SNRPB: variants seen among roughly 807,000 people sequenced by gnomAD.
SNRPB encodes the protein small nuclear ribonucleoprotein polypeptides B and B1.
Under a neutral mutation model 26.6 loss-of-function variants are expected in SNRPB, and 5 were observed. The ratio of observed to expected loss-of-function variants is 0.19; its 90% confidence interval spans 0.10 to 0.39. The LOEUF (loss-of-function observed/expected upper bound fraction) is 0.39, where lower values mean the gene tolerates loss of function less well. Ranked by LOEUF, SNRPB falls within the 10% of genes least tolerant of loss-of-function variation. The pLI is 1.00. For synonymous variants in SNRPB, 122 were observed against 105.8 expected, an observed-to-expected ratio of 1.15 and a Z score of -0.94; for missense variants, 211 against 311.9, an observed-to-expected ratio of 0.68 and a Z score of 2.44.
Position 2,467,591 on chromosome 20 carries a change from A to C in SNRPB, c.155+16T>G, listed in dbSNP as rs770483481. 43 of 1,612,118 alleles carry C rather than the reference A, an allele frequency of 2.7e-5. No homozygotes were observed. The highest frequency in any genetic ancestry group is 3.3e-4 in the Middle Eastern group (2 of 6,014). ...TCCCATCCTCCAGTCTCCGCCCCCC[A>C]CAGTCCACTCCTCACTTGATCTTTC... is the stretch of plus-strand genomic sequence containing the variant. On this transcript the variant is annotated intron_variant, in intron 2 of 6. Transcript: ENST00000381342.
rs774651407 is a variant in SNRPB at position 2,461,866 on chromosome 20, C to T, written c.*63G>A. On this transcript the variant is annotated 3_prime_UTR_variant, in exon 7 of 7. Coordinates refer to ENST00000381342, the MANE Select transcript of SNRPB (RefSeq NM_003091.4). ...TAAGAAACAAACAGGTCTGTGGTAA[C>T]GTGGCCCTGAGGAATCGAGCCCACG... is the stretch of plus-strand genomic sequence containing the variant. 2 of 1,613,960 alleles carry T rather than the reference C, an allele frequency of 1.2e-6. No individual in the cohort carries two copies. The highest frequency in any genetic ancestry group is 1.1e-5 in the South Asian group (1 of 91,070).
chr20:2,462,061 T>C (rs935417827), intron 6 of SNRPB, 122 bp from the exon 7 acceptor site: 37 of 682,404 alleles, frequency 5.4e-5, no homozygotes, highest in Middle Eastern at 4.2e-4. Flanking sequence ...GCATATGTGC[T>C]AACTAGGGAC....
In SNRPB at chr20:2,463,247, A is replaced by C; in HGVS notation, c.421-20T>G. 1 of 1,594,732 alleles carries C rather than the reference A, an allele frequency of 6.3e-7. No homozygotes were observed. Among genetic ancestry groups the C allele is most frequent in the Admixed American group, 1.7e-5 (1 of 59,992 alleles). On this transcript the variant is annotated intron_variant, in intron 4 of 6. Coordinates refer to ENST00000381342, the MANE Select transcript of SNRPB (RefSeq NM_003091.4). This position sits in a 1 kb window ranked among gnomAD's most constrained non-coding sequence, Gnocchi z 5.0. ...CATCACCTAAGAGGACATAAGAAGA[A>C]AGAGTTAGAAGAGTACAGTACAATG...
At chr20:2,468,732 C>T (rs1210819837) in intron 1 of SNRPB, among the ~76,000 whole-genome samples, 1 of 152,218 alleles carries the variant, frequency 6.6e-6, no homozygotes, top group Non-Finnish European at 1.5e-5. Flanking sequence ...TCAAGACCAG[C>T]CTGGCTAACA....
At chr20:2,467,192 C>T in intron 2 of SNRPB, 1 of 442,888 alleles carries the variant, frequency 2.3e-6, no homozygotes, top group Middle Eastern at 4.5e-4. Flanking sequence ...GAGCACTTAC[C>T]CTGAAGAGGG....
chr20:2,462,006 C>T (rs1302342644), intron 6 of SNRPB, 67 bp from the exon 7 acceptor site: 1 of 1,105,666 alleles, frequency 9.0e-7, no homozygotes, highest in Non-Finnish European at 1.4e-6. Context: ...CCTGCCCCAG[C>T]CTCCCACGCC....
chr20:2,462,773 A>G lies in SNRPB; in HGVS notation c.560-12T>C, dbSNP rs767328411. Reference sequence around the variant, plus strand: ...TGGGCCCATCATGCCTGCAAGAGAAAAGCCCCAAGAATATAGCTCAAGTGT... The same window carrying G: ...TGGGCCCATCATGCCTGCAAGAGAAGAGCCCCAAGAATATAGCTCAAGTGT... On this transcript the variant is annotated splice_polypyrimidine_tract_variant and intron_variant, in intron 5 of 6. Transcript: ENST00000381342. 2.0e-6 allele frequency: 3 copies of G among 1,521,994 alleles called. No homozygotes were observed. Among genetic ancestry groups the G allele is most frequent in the Non-Finnish European group, 2.6e-6 (3 of 1,137,206 alleles). The allele number at this position is 1,521,994 out of a possible 1,614,324, so 94.3% of individuals were successfully genotyped here. A position where few individuals can be genotyped will look rare whatever the true frequency, so the allele number is the denominator to read the frequency against.
At chr20:2,465,850 G>C in intron 2 of SNRPB, 31 bp from the exon 3 acceptor site, 2 of 1,560,764 alleles carry the variant, frequency 1.3e-6, no homozygotes, top group East Asian at 2.2e-5. Context: ...AACAAAAAAA[G>C]TGTTAGAGGT....
rs762647736 is a variant in SNRPB at position 2,461,958 on chromosome 20, G to C, written c.686-19C>G. On this transcript the variant is annotated intron_variant, in intron 6 of 6. Coordinates refer to ENST00000381342, the MANE Select transcript of SNRPB (RefSeq NM_003091.4). Reference sequence around the variant, plus strand: ...AGAAGGCCTGAAGTAAGAGTAAGAAGTTTAGTCAGTGCCTGATCTGCAACT... The same window carrying C: ...AGAAGGCCTGAAGTAAGAGTAAGAACTTTAGTCAGTGCCTGATCTGCAACT... The C allele has an allele frequency of 9.4e-6, 15 of 1,592,950 alleles. No homozygotes were observed. The highest frequency in any genetic ancestry group is 1.3e-5 in the Non-Finnish European group (15 of 1,163,658).
intron 1 of SNRPB, among the ~76,000 whole-genome samples, chr20:2,468,020 G>A (rs910144210): frequency 1.3e-5 from 2 of 152,116 alleles, no homozygotes; most frequent in Non-Finnish European, 2.9e-5. Context: ...TCTCCTTGTC[G>A]TGTCAGTTGC....
At chr20:2,466,984 G>A (rs2122492353) in intron 2 of SNRPB, among the ~76,000 whole-genome samples, 1 of 152,350 alleles carries the variant, frequency 6.6e-6, no homozygotes, top group South Asian at 2.1e-4. Flanking sequence ...ATCTTTTTGT[G>A]CCTCAAGTAG....
At chr20:2,469,037 G>C (rs977592543) in intron 1 of SNRPB, among the ~76,000 whole-genome samples, 2 of 152,214 alleles carry the variant, frequency 1.3e-5, no homozygotes, top group African/African-American at 4.8e-5. Context: ...AACCACAAGG[G>C]ATCTGAACCT....
In SNRPB at chr20:2,467,693, G is replaced by A. The variant is rs370745250; in HGVS notation, c.69C>T (p.Asp23=). 4.8e-5 allele frequency: 77 copies of A among 1,613,898 alleles called. No homozygotes were observed. Among genetic ancestry groups the A allele is most frequent in the East Asian group, 2.9e-4 (13 of 44,894 alleles). ...IDYRMRCILQ[D]GRIFIGTFKA... is the part of the protein sequence containing the mutation. ...TGAAGGTGCCAATGAAGATCCGGCC[G>A]TCCTGCAGGATGCACCTCATCCTGT... The change falls in exon 2 of 7, where the codon GAC becomes GAT. Residue 23 remains aspartate (D), a synonymous_variant. Transcript: ENST00000381342.
chr20:2,468,940 A>G (rs958689482), intron 1 of SNRPB, among the ~76,000 whole-genome samples: 1 of 152,150 alleles, frequency 6.6e-6, no homozygotes, highest in African/African-American at 2.4e-5. Context: ...AAACAAAAAC[A>G]AAACTTGACT....
At position 2,463,920 on chromosome 20, in the gene SNRPB, C is replaced by A; in HGVS notation, c.268-21G>T. On this transcript the variant is annotated intron_variant, in intron 3 of 6. Transcript: ENST00000381342. The surrounding 1 kb of genome is among the most constrained non-coding windows in gnomAD (Gnocchi z 5.0). ...CCAGTCTGAAAAATAAACAAATATG[C>A]TCTGATGCCCAGTGATCTGAAGATC... 6.2e-7 allele frequency: 1 copy of A among 1,605,268 alleles called. No individual in the cohort carries two copies. The highest frequency in any genetic ancestry group is 8.5e-7 in the Non-Finnish European group (1 of 1,172,928).
Position 2,463,945 on chromosome 20 carries a change from CAGAA to C in SNRPB, c.268-50_268-47del. 6.5e-7 allele frequency: 1 copy of C among 1,534,052 alleles called. No individual in the cohort carries two copies. The highest frequency in any genetic ancestry group is 1.8e-5 in the Admixed American group (1 of 56,864). ...CTCTGATGCCCAGTGATCTGAAGAT[CAGAA>C]GTATACTTTGGAATATCATTGCCAA... On this transcript the variant is annotated intron_variant, in intron 3 of 6. Coordinates refer to ENST00000381342, the MANE Select transcript of SNRPB (RefSeq NM_003091.4). This position sits in a 1 kb window ranked among gnomAD's most constrained non-coding sequence, Gnocchi z 5.0.
At position 2,461,789 on chromosome 20, in the gene SNRPB, G is replaced by A. The variant is rs1460991080; in HGVS notation, c.*140C>T. The A allele has an allele frequency of 1.2e-6, 2 of 1,612,262 alleles. No homozygotes were observed. The highest frequency in any genetic ancestry group is 1.7e-6 in the Non-Finnish European group (2 of 1,179,186). On this transcript the variant is annotated 3_prime_UTR_variant, in exon 7 of 7. Transcript: ENST00000381342. ...TTGGTGGGCGCATTCCCGGGGGAGG[G>A]GGCCCTGTAAGGGAAACCAGACAAT...
In SNRPB at chr20:2,470,537, C is replaced by G; in HGVS notation, c.3+151G>C. Reference sequence around the variant, plus strand: ...CCATGCCTAGCCGAACCGCCAAGGTCCTGGTCTTTCCCGCCCAGACCGAGC... The same window carrying G: ...CCATGCCTAGCCGAACCGCCAAGGTGCTGGTCTTTCCCGCCCAGACCGAGC... On this transcript the variant is annotated intron_variant, in intron 1 of 6. Coordinates refer to ENST00000381342, the MANE Select transcript of SNRPB (RefSeq NM_003091.4). 7 of 897,854 alleles carry G rather than the reference C, an allele frequency of 7.8e-6. No homozygotes were observed. In the South Asian group the frequency reaches 1.1e-4, roughly 14 times the overall value. The allele number at this position is 897,854 out of a possible 1,614,324, so 55.6% of individuals were successfully genotyped here.
At chr20:2,464,287 C>T (rs777668938) in intron 3 of SNRPB, among the ~76,000 whole-genome samples, 4 of 152,170 alleles carry the variant, frequency 2.6e-5, no homozygotes, top group South Asian at 2.1e-4. Context: ...CCCACAATCC[C>T]GGGCTGAGTT....
Sources: allele counts gnomAD v4.1 joint callset (sites outside exome capture counted in the v4.1 genomes callset), GRCh38; gene constraint gnomAD v4.1.1; non-coding constraint Gnocchi (gnomAD v3.1); transcripts MANE v1.5; gene names NCBI Gene and HGNC (gene_info 2026-07-23, HGNC 2026-07-21).